The following MICAL2 variants were observed in gnomAD, a reference collection of about 807,000 sequenced individuals.
MICAL2 encodes the protein [F-actin]-monooxygenase MICAL2.
Under a neutral mutation model 127.3 loss-of-function variants are expected in MICAL2, and 77 were observed. The observed-to-expected ratio is 0.60, with a 90% confidence interval of 0.50 to 0.73. The LOEUF is 0.73. Among genes scored for constraint, MICAL2 ranks in the 30% least tolerant of loss-of-function variants. MICAL2 has a pLI of 0.00. For missense variants in MICAL2, 1,351 were observed against 1,434.4 expected, an observed-to-expected ratio of 0.94 and a Z score of 0.94; for synonymous variants, 570 against 551.1, an observed-to-expected ratio of 1.03 and a Z score of -0.48.
At chr11:12,350,920 T>C (rs1939032826) in intron 33 of MICAL2, among the ~76,000 whole-genome samples, 1 of 152,180 alleles carries the variant, frequency 6.6e-6, no homozygotes, top group Non-Finnish European at 1.5e-5. Context: ...AGGAAGGACC[T>C]GTCCTTGCCC....
Position 12,230,721 on chromosome 11 carries a change from C to A in MICAL2, c.1995+3590C>A, listed in dbSNP as rs1858138820. 2.0e-5 allele frequency among the ~76,000 whole-genome samples: 3 copies of A among 151,794 alleles called. No individual in the cohort carries two copies. In the South Asian group the frequency reaches 6.2e-4, roughly 32 times the overall value. On this transcript the variant is annotated intron_variant, in intron 15 of 27. Transcript: ENST00000683283. ...CGATGTTAAATTCTTCTTTCCCCCC[C>A]CATCTTATTTTCCTGATAACATGCA... is the stretch of plus-strand genomic sequence containing the variant.
downstream of MICAL2, among the ~76,000 whole-genome samples, chr11:12,266,761 C>T (rs952335986): frequency 6.6e-6 from 1 of 152,254 alleles, no homozygotes; most frequent in Non-Finnish European, 1.5e-5. Context: ...CTGGGCTCCA[C>T]CAAAGACCAG....
intron 6 of MICAL2, among the ~76,000 whole-genome samples, chr11:12,212,229 G>A (rs1410757298): frequency 6.6e-6 from 1 of 152,128 alleles, no homozygotes; most frequent in Non-Finnish European, 1.5e-5. Context: ...TGCCATTCAA[G>A]AGCAATTTTA....
At position 12,220,328 on chromosome 11, in the gene MICAL2, A is replaced by G. The variant is rs1405648542; in HGVS notation, c.1076A>G (p.Asn359Ser). The G allele has an allele frequency of 3.1e-6, 5 of 1,614,154 alleles. No individual in the cohort carries two copies. The highest frequency in any genetic ancestry group is 4.2e-6 in the Non-Finnish European group (5 of 1,180,014). Residue 359 changes from asparagine to serine, a missense_variant, in exon 9 of 28, where the codon AAC becomes AGC. Transcript: ENST00000683283. ...CTGCCATCCTTAGACTTTGCCATGAACCACTATGGGCAGCCTGATGTGGCC... is the reference window on the plus strand; with the variant it reads ...CTGCCATCCTTAGACTTTGCCATGAGCCACTATGGGCAGCCTGATGTGGCC... Reference protein sequence around the residue: ...YQLPSLDFAMNHYGQPDVAMF... With the variant: ...YQLPSLDFAMSHYGQPDVAMF...
chr11:12,260,388 T>C (rs536489999), intron 26 of MICAL2: 4 of 1,270,174 alleles, frequency 3.1e-6, no homozygotes, highest in African/African-American at 1.5e-5. Context: ...GGATCTTTTC[T>C]ATAGCTTTGT....
At chr11:12,130,714 T>C (rs1172793958) in intron 1 of MICAL2, among the ~76,000 whole-genome samples, 1 of 152,174 alleles carries the variant, frequency 6.6e-6, no homozygotes, top group Non-Finnish European at 1.5e-5. Flanking sequence ...CAACTTTGAA[T>C]ACTTGGGTGG....
At chr11:12,239,969 T>A (rs551595775) in intron 17 of MICAL2, among the ~76,000 whole-genome samples, 1 of 152,366 alleles carries the variant, frequency 6.6e-6, no homozygotes, top group East Asian at 1.9e-4. Flanking sequence ...TGGTTTTGCT[T>A]TCCAACCGTG....
At chr11:12,301,190 A>G (rs1114186) in intron 29 of MICAL2, among the ~76,000 whole-genome samples, 64,462 of 152,030 alleles carry the variant, frequency 0.42, 15,468 homozygotes, top group Non-Finnish European at 0.55. Context: ...AGCCCCCATG[A>G]TTCAATTACC....
At chr11:12,168,312 C>T (rs1445189188) in intron 3 of MICAL2, among the ~76,000 whole-genome samples, 1 of 151,158 alleles carries the variant, frequency 6.6e-6, no homozygotes, top group Non-Finnish European at 1.5e-5. Context: ...TACACACATA[C>T]ATACACACAT....
Position 12,220,356 on chromosome 11 carries a change from G to A in MICAL2, c.1104G>A (p.Met368Ile), listed in dbSNP as rs147143035. 2.4e-4 allele frequency: 392 copies of A among 1,614,132 alleles called. 2 individuals carry two copies. Among genetic ancestry groups the A allele is most frequent in the Admixed American group, 5.7e-4 (34 of 60,014 alleles). ...ACTATGGGCAGCCTGATGTGGCCATGTTTGACTTTACCTGCATGTATGCCT... is the reference window on the plus strand; with the variant it reads ...ACTATGGGCAGCCTGATGTGGCCATATTTGACTTTACCTGCATGTATGCCT... ...MNHYGQPDVAMFDFTCMYASE... is the reference protein window; with the variant it reads ...MNHYGQPDVAIFDFTCMYASE... Residue 368 changes from methionine (M) to isoleucine (I), a missense_variant, in exon 9 of 28, where the codon ATG (methionine) becomes ATA (isoleucine). Physicochemically the swap from Met to Ile is conservative, Grantham distance 10. This residue lies in a region of MICAL2 where 599 missense variants were observed against 714.9 expected (regional missense o/e 0.84). Transcript: ENST00000683283.
intron 32 of MICAL2, among the ~76,000 whole-genome samples, chr11:12,348,451 A>C (rs1938991756): frequency 6.6e-6 from 1 of 152,216 alleles, no homozygotes; most frequent in Non-Finnish European, 1.5e-5. Flanking sequence ...TTGAGCACTC[A>C]TGGATTTTGA....
chr11:12,200,113 T>C (rs1312226638), intron 3 of MICAL2, among the ~76,000 whole-genome samples: 1 of 152,136 alleles, frequency 6.6e-6, no homozygotes, highest in African/African-American at 2.4e-5. Flanking sequence ...GGCCTGGTAC[T>C]GGGCTCTGAA....
At chr11:12,361,235 G>A (rs961987138), downstream of MICAL2, among the ~76,000 whole-genome samples, 5 of 152,224 alleles carry the variant, frequency 3.3e-5, no homozygotes, top group East Asian at 9.7e-4. Flanking sequence ...CCTAAGTTGG[G>A]CCAAGAGGAC....
At chr11:12,230,076 T>C (rs934571782) in intron 15 of MICAL2, among the ~76,000 whole-genome samples, 7 of 152,218 alleles carry the variant, frequency 4.6e-5, no homozygotes, top group African/African-American at 1.7e-4. Flanking sequence ...GCCTTGGCCA[T>C]CACTGAAATA....
intron 1 of MICAL2, among the ~76,000 whole-genome samples, chr11:12,112,622 A>G (rs757940613): frequency 6.6e-6 from 1 of 152,084 alleles, no homozygotes; most frequent in Non-Finnish European, 1.5e-5. Context: ...ACATACCTCT[A>G]TAAAAACATG....
chr11:12,275,678 C>T (rs1183999310), upstream of MICAL2, among the ~76,000 whole-genome samples: 5 of 152,188 alleles, frequency 3.3e-5, no homozygotes, highest in African/African-American at 4.8e-5. Flanking sequence ...TGGATGTTGC[C>T]GTCTTGACAG....
intron 1 of MICAL2, among the ~76,000 whole-genome samples, chr11:12,111,522 A>G (rs540954140): frequency 6.6e-6 from 1 of 152,346 alleles, no homozygotes; most frequent in South Asian, 2.1e-4. Flanking sequence ...AGAGCTGGGA[A>G]CGGCCTTTAC....
chr11:12,249,525 G>A (rs781317490), intron 22 of MICAL2, among the ~76,000 whole-genome samples: 13 of 152,182 alleles, frequency 8.5e-5, no homozygotes, highest in Non-Finnish European at 1.6e-4. Flanking sequence ...GCATATGGCC[G>A]AGGAATCAGA....
At position 12,259,821 on chromosome 11, in the gene MICAL2, A is replaced by T. The variant is rs1862856138; in HGVS notation, c.3258A>T (p.Glu1086Asp). ...REEEATWQEQ[E>D]APRRDTPTES... is the part of the protein sequence containing the mutation. The stretch of plus-strand genomic sequence containing the variant: ...AGGAGGCAACATGGCAAGAGCAGGA[A>T]GCCCCTCGGAGAGACACTCCCACCG... The change falls in exon 26 of 28, where the codon GAA becomes GAT. Residue 1086 changes from glutamate (E) to aspartate (D), a missense_variant. Glu to Asp is a conservative substitution (Grantham distance 45, BLOSUM62 2). This residue lies in a region of MICAL2 where 752 missense variants were observed against 719.4 expected (regional missense o/e 1.05). Coordinates refer to ENST00000683283, the MANE Select transcript of MICAL2 (RefSeq NM_001282663.2). 6.4e-7 allele frequency: 1 copy of T among 1,564,038 alleles called. No homozygotes were observed. The highest frequency in any genetic ancestry group is 8.7e-7 in the Non-Finnish European group (1 of 1,152,270).
Sources: gnomAD v4.1 joint callset for allele counts (sites outside exome capture counted in the v4.1 genomes callset) on GRCh38, gnomAD v4.1.1 for gene constraint, gnomAD v4.1.1 regional missense constraint, MANE v1.5 for transcripts, NCBI Gene and HGNC (gene_info 2026-07-23, HGNC 2026-07-21) for gene names.